SLC33A1: variants seen among roughly 807,000 people sequenced by gnomAD.
The protein encoded by SLC33A1 is acetyl-coenzyme A transporter 1.
SLC33A1 carries 20 observed loss-of-function variants against 50.0 expected under a neutral mutation model. The ratio of observed to expected loss-of-function variants is 0.40; its 90% confidence interval spans 0.28 to 0.58. SLC33A1 has a LOEUF of 0.58. Among genes scored for constraint, SLC33A1 ranks in the 20% least tolerant of loss-of-function variants. The probability of loss-of-function intolerance (pLI) is 0.44; values close to 1 mark genes in which losing one functional copy is unlikely to be tolerated. For missense variants in SLC33A1, 476 were observed against 657.0 expected, an observed-to-expected ratio of 0.72 and a Z score of 3.01; for synonymous variants, 265 against 251.8, an observed-to-expected ratio of 1.05 and a Z score of -0.50.
intron 1 of SLC33A1, among the ~76,000 whole-genome samples, chr3:155,844,100 T>C (rs1753031978): frequency 6.6e-6 from 1 of 152,206 alleles, no homozygotes; most frequent in East Asian, 1.9e-4. Flanking sequence ...AATCTTGCTC[T>C]TGCTGCTGTG....
rs1450708501 is a variant in SLC33A1, at chr3:155,825,543, A to C, written c.*2667T>G. On this transcript the variant is annotated 3_prime_UTR_variant, in exon 6 of 6. Transcript: ENST00000643144. ...CTCCAGCTTGGGCAAAAGTGAGACC[A>C]TGTCTCTAAAAAATAATAATAAAAT... 6.6e-6 allele frequency: 1 copy of C among 152,086 alleles called. No homozygotes were observed. The highest frequency in any genetic ancestry group is 2.4e-5 in the African/African-American group (1 of 41,408). 9.4% of individuals were successfully genotyped at this position (152,086 alleles called of 1,614,324 possible).
At chr3:155,831,234 A>G (rs1308489025) in intron 4 of SLC33A1, among the ~76,000 whole-genome samples, 1 of 152,052 alleles carries the variant, frequency 6.6e-6, no homozygotes, top group Non-Finnish European at 1.5e-5. Context: ...AGGTGGGCGG[A>G]TCACCTGAGG....
At chr3:155,835,969 T>C (rs1471793679) in intron 2 of SLC33A1, among the ~76,000 whole-genome samples, 1 of 151,734 alleles carries the variant, frequency 6.6e-6, no homozygotes, top group African/African-American at 2.4e-5. Flanking sequence ...CACTTCAATA[T>C]CACACAATTT....
chr3:155,833,510 T>C lies in SLC33A1; in HGVS notation c.1224A>G (p.Ile408Met). ...PKVEHQGGFP[I>M]YYYIVVLLSY... Reference sequence around the variant, plus strand: ...TCAGCAGGACTACGATATAGTAATATATAGGGAATCCCCCTTGATGTTCTA... The same window carrying C: ...TCAGCAGGACTACGATATAGTAATACATAGGGAATCCCCCTTGATGTTCTA... Residue 408 changes from isoleucine (I) to methionine (M), a missense_variant, in exon 4 of 6, where the codon ATA becomes ATG. Coordinates refer to ENST00000643144, the MANE Select transcript of SLC33A1 (RefSeq NM_004733.4). 1.9e-6 allele frequency: 3 copies of C among 1,600,272 alleles called. No individual in the cohort carries two copies. The highest frequency in any genetic ancestry group is 2.6e-6 in the Non-Finnish European group (3 of 1,167,478).
At chr3:155,834,126 C>A (rs1752563066) in intron 2 of SLC33A1, 85 bp from the exon 3 acceptor site, 2 of 988,980 alleles carry the variant, frequency 2.0e-6, no homozygotes, top group Non-Finnish European at 3.1e-6. Flanking sequence ...TCAAGAACCT[C>A]AATTTTATTA....
intron 1 of SLC33A1, among the ~76,000 whole-genome samples, chr3:155,849,810 A>C (rs1753324197): frequency 6.6e-6 from 1 of 151,036 alleles, no homozygotes; most frequent in Non-Finnish European, 1.5e-5. Flanking sequence ...AGGGAGGCTG[A>C]GGCAGCAGAA....
At chr3:155,838,261 C>T (rs1253000357) in intron 2 of SLC33A1, among the ~76,000 whole-genome samples, 3 of 150,956 alleles carry the variant, frequency 2.0e-5, no homozygotes, top group African/African-American at 4.9e-5. Context: ...TGAGATCATG[C>T]CATTGCACTC....
chr3:155,847,235 T>C (rs1403482132), intron 1 of SLC33A1, among the ~76,000 whole-genome samples: 2 of 152,014 alleles, frequency 1.3e-5, no homozygotes, highest in African/African-American at 4.8e-5. Context: ...ATACAGTTTG[T>C]TTTTCTGAGA....
chr3:155,842,808 A>C, intron 1 of SLC33A1, 189 bp from the exon 2 acceptor site: 1 of 383,374 alleles, frequency 2.6e-6, no homozygotes, highest in Non-Finnish European at 4.6e-6. Context: ...CAGAAATTCA[A>C]GACCAGCCTG....
rs1456781969 is a variant in SLC33A1 at position 155,854,328 on chromosome 3, G to A, written c.-331C>T. 3.9e-6 allele frequency: 1 copy of A among 256,022 alleles called. No individual in the cohort carries two copies. The highest frequency in any genetic ancestry group is 2.2e-5 in the African/African-American group (1 of 45,044). The allele number at this position is 256,022 out of a possible 1,614,324, so 15.9% of individuals were successfully genotyped here. ...AGGATGGAAACCAGCTCCTACCTGC[G>A]GCGGGATCGAACGGCTGGTCTCCCG... On this transcript the variant is annotated 5_prime_UTR_variant, in exon 1 of 6. Coordinates refer to ENST00000643144, the MANE Select transcript of SLC33A1 (RefSeq NM_004733.4).
intron 1 of SLC33A1, among the ~76,000 whole-genome samples, chr3:155,851,775 C>G (rs1753411495): frequency 6.6e-6 from 1 of 152,118 alleles, no homozygotes; most frequent in South Asian, 2.1e-4. Context: ...ACAAATCTAC[C>G]TGGGTGCAAA....
intron 2 of SLC33A1, among the ~76,000 whole-genome samples, chr3:155,836,173 A>T (rs1205861538): frequency 1.3e-5 from 2 of 149,260 alleles, no homozygotes; most frequent in African/African-American, 2.5e-5. Context: ...AGTCCCAGCT[A>T]CTCAGGAGGC....
rs1245989808 is a variant in SLC33A1 at position 155,827,952 on chromosome 3, T to C, written c.*258A>G. The C allele has an allele frequency of 2.5e-6, 1 of 402,734 alleles. No individual in the cohort carries two copies. The highest frequency in any genetic ancestry group is 4.5e-6 in the Non-Finnish European group (1 of 220,204). 24.9% of individuals were successfully genotyped at this position (402,734 alleles called of 1,614,324 possible). ...TGCTTTGGTCAGTAAATTTAAAAGA[T>C]ATACATCAAATAACAAGGCCAGAAA... On this transcript the variant is annotated 3_prime_UTR_variant, in exon 6 of 6. Coordinates refer to ENST00000643144, the MANE Select transcript of SLC33A1 (RefSeq NM_004733.4).
At chr3:155,847,462 T>C (rs1753216147) in intron 1 of SLC33A1, among the ~76,000 whole-genome samples, 1 of 151,676 alleles carries the variant, frequency 6.6e-6, no homozygotes, top group Non-Finnish European at 1.5e-5. Flanking sequence ...AGCATCAATG[T>C]CGCTGGGCAC....
Position 155,824,794 on chromosome 3 carries a change from G to T in SLC33A1, c.*3416C>A, listed in dbSNP as rs1405726664. The stretch of plus-strand genomic sequence containing the variant: ...CCAGAGTTTCACAAGCAATTCAGGG[G>T]TTTTTCCCACAGACATCAAAAACCT... On this transcript the variant is annotated 3_prime_UTR_variant, in exon 6 of 6. Transcript: ENST00000643144. The T allele has an allele frequency of 2.6e-5, 4 of 152,058 alleles. No individual in the cohort carries two copies. Among genetic ancestry groups the T allele is most frequent in the Admixed American group, 2.6e-4 (4 of 15,264 alleles). The allele number at this position is 152,058 out of a possible 1,614,324, so 9.4% of individuals were successfully genotyped here.
intron 1 of SLC33A1, chr3:155,843,024 T>TAAA: frequency 1.2e-5 from 1 of 85,162 alleles, no homozygotes; most frequent in Non-Finnish European, 2.8e-5. Flanking sequence ...AAAAAAAAAG[T>TAAA]CAACATTTAG....
chr3:155,828,907 T>G (rs922906995), intron 5 of SLC33A1, among the ~76,000 whole-genome samples: 3 of 151,372 alleles, frequency 2.0e-5, no homozygotes, highest in African/African-American at 7.3e-5. Context: ...TTTTTTTTTT[T>G]TTTTTTTTTT....
At chr3:155,834,112 T>A in intron 2 of SLC33A1, 71 bp from the exon 3 acceptor site, 1 of 1,224,636 alleles carries the variant, frequency 8.2e-7, no homozygotes, top group South Asian at 1.2e-5. Context: ...CATATGTAAG[T>A]TCTTCAAGAA....
At chr3:155,833,818 T>A in intron 3 of SLC33A1, 39 bp downstream of exon 3, 1 of 1,474,028 alleles carries the variant, frequency 6.8e-7, no homozygotes, top group East Asian at 2.3e-5. Flanking sequence ...TTCCTCATTT[T>A]ACCCTTTCTT....
Sources: gnomAD v4.1 joint callset for allele counts (sites outside exome capture counted in the v4.1 genomes callset) on GRCh38, gnomAD v4.1.1 for gene constraint, MANE v1.5 for transcripts, NCBI Gene and HGNC (gene_info 2026-07-23, HGNC 2026-07-21) for gene names.